The following CDC25B variants were observed in gnomAD, a reference collection of about 807,000 sequenced individuals.
CDC25B encodes the protein M-phase inducer phosphatase 2.
CDC25B carries 33 observed loss-of-function variants against 69.8 expected under a neutral mutation model. That is an observed-to-expected ratio of 0.47 (90% CI 0.36 to 0.63). The LOEUF (loss-of-function observed/expected upper bound fraction) is 0.63. CDC25B is among the 30% of genes least tolerant of loss of function. CDC25B has a pLI of 0.00. For synonymous variants in CDC25B, 341 were observed against 314.6 expected (o/e 1.08, Z -0.89); for missense variants, 727 against 809.1 (o/e 0.90, Z 1.23).
At chr20:3,787,723 G>T (rs1400606183) in intron 1 of CDC25B, among the ~76,000 whole-genome samples, 1 of 152,178 alleles carries the variant, frequency 6.6e-6, no homozygotes, top group Non-Finnish European at 1.5e-5. Flanking sequence ...TGGCAGAGGG[G>T]AAGGCTGTGA....
In CDC25B at chr20:3,805,422, A is replaced by C; in HGVS notation, c.*461A>C. Reference sequence around the variant, plus strand: ...TACTTCCCGGGCCAGGGCTGCCCCTAATCTCTGTAGGAACCGTGGTATGTC... The same window carrying C: ...TACTTCCCGGGCCAGGGCTGCCCCTCATCTCTGTAGGAACCGTGGTATGTC... On this transcript the variant is annotated 3_prime_UTR_variant, in exon 16 of 16. Coordinates refer to ENST00000245960, the MANE Select transcript of CDC25B (RefSeq NM_021873.4). 1 of 237,938 alleles carries C rather than the reference A, an allele frequency of 4.2e-6. No homozygotes were observed. The highest frequency in any genetic ancestry group is 8.2e-6 in the Non-Finnish European group (1 of 122,674). 14.7% of individuals were successfully genotyped at this position (237,938 alleles called of 1,614,324 possible).
Position 3,798,316 on chromosome 20 carries a change from T to G in CDC25B, c.329-96T>G, listed in dbSNP as rs1220659880. On this transcript the variant is annotated intron_variant, in intron 2 of 15. Transcript: ENST00000245960. ...GTGTCAAAGTCCAAACTAGAAACTG[T>G]TTTTTTTTTTTTTTTTTTTTTCATA... The G allele has an allele frequency of 4.4e-4, 18 of 40,716 alleles. No individual in the cohort carries two copies. The East Asian group carries it at 9.8e-3, about 22-fold the overall frequency. The allele number at this position is 40,716 out of a possible 1,614,324, so 2.5% of individuals were successfully genotyped here.
chr20:3,790,498 CAAAA>C (rs113095369), intron 1 of CDC25B, among the ~76,000 whole-genome samples: 6 of 92,794 alleles, frequency 6.5e-5, no homozygotes, highest in Non-Finnish European at 4.5e-5. Flanking sequence ...AACTCTGTCT[CAAAA>C]AAAAAAAAAA....
At position 3,805,745 on chromosome 20, in the gene CDC25B, T is replaced by C. The variant is rs2089454449; in HGVS notation, c.*784T>C. 5.0e-6 allele frequency: 2 copies of C among 403,972 alleles called. No individual in the cohort carries two copies. The highest frequency in any genetic ancestry group is 8.8e-6 in the Non-Finnish European group (2 of 227,834). 25.0% of individuals were successfully genotyped at this position (403,972 alleles called of 1,614,324 possible). A position where few individuals can be genotyped will look rare whatever the true frequency, so the allele number is the denominator to read the frequency against. On this transcript the variant is annotated 3_prime_UTR_variant, in exon 16 of 16. Transcript: ENST00000245960. ...GCTGGAAGCCCAGCCCCTACTGCTG[T>C]GAACCCTGGGGCCTGACTGCTCAGA...
chr20:3,788,675 A>C (rs1277897574), intron 1 of CDC25B, among the ~76,000 whole-genome samples: 1 of 152,142 alleles, frequency 6.6e-6, no homozygotes, highest in Non-Finnish European at 1.5e-5. Context: ...AAATGAATCT[A>C]AGATTACCTG....
At position 3,803,913 on chromosome 20, in the gene CDC25B, C is replaced by T. The variant is rs1008998527; in HGVS notation, c.1490+376C>T. ...GAACCTCTTCCATTGGCATCCACAG[C>T]ACCTGGGCCTCCCTGGCTGAGCTCC... is the stretch of plus-strand genomic sequence containing the variant. On this transcript the variant is annotated intron_variant, in intron 14 of 15. Coordinates refer to ENST00000245960, the MANE Select transcript of CDC25B (RefSeq NM_021873.4). The surrounding 1 kb of genome is among the most constrained non-coding windows in gnomAD (Gnocchi z 4.9). Among the ~76,000 whole-genome samples the T allele has an allele frequency of 6.6e-5, 10 of 152,214 alleles. No individual in the cohort carries two copies. The highest frequency in any genetic ancestry group is 1.3e-4 in the Non-Finnish European group (9 of 68,032).
At chr20:3,796,788 G>A in intron 1 of CDC25B, 57 bp downstream of exon 1, 2 of 1,508,748 alleles carry the variant, frequency 1.3e-6, no homozygotes, top group South Asian at 2.5e-5. Flanking sequence ...TGGAGTCCTG[G>A]GCCTCCTGGA....
At chr20:3,804,442 T>C in intron 14 of CDC25B, 127 bp from the exon 15 acceptor site, 1 of 671,038 alleles carries the variant, frequency 1.5e-6, no homozygotes. Flanking sequence ...TGTGGTTACA[T>C]TCCTGTGCTC....
chr20:3,796,691 AC>A lies in CDC25B; in HGVS notation c.163del (p.Leu55SerfsTer20). Reference sequence around the variant, plus strand: ...GGCGGCCGCTTCCTCGCCGGTCACCACCCTCACCCAGACCATGCACGACCTC... The same window carrying A: ...GGCGGCCGCTTCCTCGCCGGTCACCACCTCACCCAGACCATGCACGACCTC... ...VRAAASSPVT[T>X]LTQTMHDLAG... is the part of the protein sequence containing the mutation. On this transcript the variant is annotated frameshift_variant, in exon 1 of 16. Coordinates refer to ENST00000245960, the MANE Select transcript of CDC25B (RefSeq NM_021873.4). LOFTEE classifies it high-confidence loss of function. 6.5e-7 allele frequency: 1 copy of A among 1,537,834 alleles called. No individual in the cohort carries two copies. Among genetic ancestry groups the A allele is most frequent in the Non-Finnish European group, 8.7e-7 (1 of 1,152,872 alleles).
upstream of CDC25B, among the ~76,000 whole-genome samples, chr20:3,795,246 A>G (rs1031833578): frequency 6.6e-6 from 1 of 152,062 alleles, no homozygotes; most frequent in Admixed American, 6.6e-5. Flanking sequence ...CTGTAGTCTC[A>G]GCTACTCGGG....
At position 3,803,215 on chromosome 20, in the gene CDC25B, G is replaced by A. The variant is rs547274063; in HGVS notation, c.1356+9G>A. The A allele has an allele frequency of 3.9e-5, 63 of 1,604,400 alleles. 1 individual carries two copies. In the East Asian group the frequency reaches 9.8e-4, roughly 25 times the overall value. ...AAGGCGGGCACATCAAGGTAAGATG[G>A]GGCAATGGGGAGAGGCCCTGAAGAT... On this transcript the variant is annotated intron_variant, in intron 13 of 15. Transcript: ENST00000245960. The surrounding 1 kb of genome is among the most constrained non-coding windows in gnomAD (Gnocchi z 4.9).
upstream of CDC25B, among the ~76,000 whole-genome samples, chr20:3,792,248 A>G (rs1412311611): frequency 1.3e-5 from 2 of 152,140 alleles, no homozygotes. Flanking sequence ...TATATTCTTT[A>G]AAATACAGAC....
rs757544272 is a variant in CDC25B at position 3,804,557 on chromosome 20, A to G, written c.1491-12A>G. Reference sequence around the variant, plus strand: ...GCCCCACTCTGACCACACCCTGCCCATGACGCCCCAGGTGCCGTTTCATCA... The same window carrying G: ...GCCCCACTCTGACCACACCCTGCCCGTGACGCCCCAGGTGCCGTTTCATCA... On this transcript the variant is annotated splice_polypyrimidine_tract_variant and intron_variant, in intron 14 of 15. Coordinates refer to ENST00000245960, the MANE Select transcript of CDC25B (RefSeq NM_021873.4). The G allele has an allele frequency of 2.5e-6, 4 of 1,591,650 alleles. No homozygotes were observed. Among genetic ancestry groups the G allele is most frequent in the African/African-American group, 1.3e-5 (1 of 74,486 alleles).
Position 3,803,652 on chromosome 20 carries a change from C to T in CDC25B, c.1490+115C>T, listed in dbSNP as rs1402565399. 3.8e-6 allele frequency: 5 copies of T among 1,329,100 alleles called. No individual in the cohort carries two copies. The South Asian group carries it at 3.8e-5, about 10-fold the overall frequency. The allele number at this position is 1,329,100 out of a possible 1,614,324, so 82.3% of individuals were successfully genotyped here. On this transcript the variant is annotated intron_variant, in intron 14 of 15. Coordinates refer to ENST00000245960, the MANE Select transcript of CDC25B (RefSeq NM_021873.4). The surrounding 1 kb of genome is among the most constrained non-coding windows in gnomAD (Gnocchi z 4.9). ...GGTGCAAGTCCAGGTCCTCCTCTGT[C>T]CCATCTGATGGCCTAGAGCTGACCT... is the stretch of plus-strand genomic sequence containing the variant.
intron 1 of CDC25B, 107 bp from the exon 2 acceptor site, chr20:3,797,515 T>C (rs969517640): frequency 1.4e-6 from 2 of 1,395,180 alleles, no homozygotes; most frequent in Non-Finnish European, 2.0e-6. Context: ...CCCGGTGTAG[T>C]GTTTCGCTCA....
Position 3,803,566 on chromosome 20 carries a change from G to GTGTCTGC in CDC25B, c.1490+30_1490+36dup, listed in dbSNP as rs759976358. 1.2e-4 allele frequency: 194 copies of GTGTCTGC among 1,613,206 alleles called. 1 individual carries two copies. The highest frequency in any genetic ancestry group is 1.6e-4 in the Non-Finnish European group (185 of 1,179,958). On this transcript the variant is annotated intron_variant, in intron 14 of 15. Coordinates refer to ENST00000245960, the MANE Select transcript of CDC25B (RefSeq NM_021873.4). This position sits in a 1 kb window ranked among gnomAD's most constrained non-coding sequence, Gnocchi z 4.9. ...AGTCCCAGCTCCGCCCAGCCAGCTA[G>GTGTCTGC]TGTCTGCCCTGGCCTTCCCTGCCCA...
In CDC25B at chr20:3,801,904, T is replaced by C. The variant is rs145533241; in HGVS notation, c.922-20T>C. 62 of 1,600,212 alleles carry C rather than the reference T, an allele frequency of 3.9e-5. No individual in the cohort carries two copies. In the African/African-American group the frequency reaches 8.0e-4, roughly 21 times the overall value. ...GACGGGGCCTGGGCACCCTGATCCC[T>C]AACCTGCTGTCCCTGCCAGGACCTC... On this transcript the variant is annotated intron_variant, in intron 9 of 15. Coordinates refer to ENST00000245960, the MANE Select transcript of CDC25B (RefSeq NM_021873.4).
At chr20:3,790,498 CAAAAA>C (rs113095369) in intron 1 of CDC25B, among the ~76,000 whole-genome samples, 1 of 92,808 alleles carries the variant, frequency 1.1e-5, no homozygotes. Flanking sequence ...AACTCTGTCT[CAAAAA>C]AAAAAAAAAA....
Position 3,796,417 on chromosome 20 carries a change from T to TCC in CDC25B, c.-115_-114insCC, listed in dbSNP as rs2089044897. The TCC allele has an allele frequency of 2.1e-5, 3 of 144,552 alleles. No homozygotes were observed. Among genetic ancestry groups the TCC allele is most frequent in the African/African-American group, 2.9e-4 (1 of 3,430 alleles). 9.0% of individuals were successfully genotyped at this position (144,552 alleles called of 1,614,324 possible). A position where few individuals can be genotyped will look rare whatever the true frequency, so the allele number is the denominator to read the frequency against. ...CCTGTGGCTCTTCCTCCCTCCCTCC[T>TCC]TCCCCCCCCCCCCACCCCTCGCCCG... On this transcript the variant is annotated 5_prime_UTR_variant, in exon 1 of 16. Transcript: ENST00000245960.
Sources: gnomAD v4.1 joint callset for allele counts (sites outside exome capture counted in the v4.1 genomes callset) on GRCh38, gnomAD v4.1.1 for gene constraint, Gnocchi (gnomAD v3.1) non-coding constraint, MANE v1.5 for transcripts, NCBI Gene and HGNC (gene_info 2026-07-23, HGNC 2026-07-21) for gene names.